The following RABEP1 variants were observed in gnomAD, a reference collection of about 807,000 sequenced individuals.
The protein encoded by RABEP1 is rabaptin, RAB GTPase binding effector protein 1.
A neutral mutation model predicts 123.4 loss-of-function variants in RABEP1; 51 were observed. The observed-to-expected ratio is 0.41, with a 90% CI of 0.33 to 0.52. The LOEUF is 0.52. Ranked by LOEUF, RABEP1 falls within the 20% of genes least tolerant of loss-of-function variation. The probability of loss-of-function intolerance (pLI) is 0.16; values close to 1 mark genes in which losing one functional copy is unlikely to be tolerated. For missense variants in RABEP1, 888 were observed against 996.3 expected, an observed-to-expected ratio of 0.89 and a Z score of 1.46; for synonymous variants, 347 against 355.2, an observed-to-expected ratio of 0.98 and a Z score of 0.26.
chr17:5,371,703 G>C (rs946452445), intron 12 of RABEP1: 1 of 152,262 alleles, frequency 6.6e-6, no homozygotes, highest in Non-Finnish European at 1.5e-5. Context: ...CCTCTGGGAA[G>C]TGTTCTTTAA....
chr17:5,382,969 AATT>A (rs1284586654), intron 17 of RABEP1, among the ~76,000 whole-genome samples, 150 bp from the exon 18 acceptor site: 2 of 152,000 alleles, frequency 1.3e-5, no homozygotes, highest in East Asian at 3.9e-4. Context: ...AGCTTTGGGG[AATT>A]ATTTTTAAAA....
In RABEP1 at chr17:5,299,719, C is replaced by CTTTTTTTTTTTTTTTTTTTTTTTT. The variant is rs146585957; in HGVS notation, c.35-8970_35-8969insTTTTTTTTTTTTTTTTTTTTTTTT. Among the ~76,000 whole-genome samples the CTTTTTTTTTTTTTTTTTTTTTTTT allele has an allele frequency of 6.8e-4, 67 of 98,832 alleles. 8 individuals carry two copies. Among genetic ancestry groups the CTTTTTTTTTTTTTTTTTTTTTTTT allele is most frequent in the African/African-American group, 1.1e-3 (30 of 26,530 alleles). 64.8% of individuals were successfully genotyped at this position (98,832 alleles called of 152,430 possible). A position where few individuals can be genotyped will look rare whatever the true frequency, so the allele number is the denominator to read the frequency against. ...TCATTTCTTTTTCTTTTTTTCTTTT[C>CTTTTTTTTTTTTTTTTTTTTTTTT]TTTTTCTTTTTCTTTTTTTTTTTTT... On this transcript the variant is annotated intron_variant, in intron 1 of 17. Transcript: ENST00000537505.
chr17:5,358,696 A>G (rs1909239463), intron 8 of RABEP1, among the ~76,000 whole-genome samples: 1 of 151,882 alleles, frequency 6.6e-6, no homozygotes, highest in Non-Finnish European at 1.5e-5. Context: ...GAACTGCTGA[A>G]TTCAAGGATG....
In RABEP1 at chr17:5,378,173, C is replaced by T. The variant is rs1413260630; in HGVS notation, c.2216-4C>T. On this transcript the variant is annotated splice_polypyrimidine_tract_variant and splice_region_variant and intron_variant, in intron 14 of 17. Transcript: ENST00000537505. ...GCTAATACATCTCATTTTTTTCCTT[C>T]TAGCTTCTATTTCTAGCCTAAAAGC... 37 of 1,567,484 alleles carry T rather than the reference C, an allele frequency of 2.4e-5. No individual in the cohort carries two copies. Among genetic ancestry groups the T allele is most frequent in the Middle Eastern group, 1.7e-4 (1 of 5,914 alleles).
At chr17:5,303,172 G>C (rs535761037) in intron 1 of RABEP1, among the ~76,000 whole-genome samples, 3 of 151,994 alleles carry the variant, frequency 2.0e-5, no homozygotes, top group Non-Finnish European at 4.4e-5. Flanking sequence ...TTTCTGGCTT[G>C]GTATTACTTC....
At chr17:5,362,268 A>T (rs746674279) in intron 9 of RABEP1, among the ~76,000 whole-genome samples, 10 of 152,218 alleles carry the variant, frequency 6.6e-5, no homozygotes, top group Non-Finnish European at 1.0e-4. Context: ...GATCTCTTTA[A>T]GCTTTATCAT....
rs1392847865 is a variant in RABEP1, at chr17:5,361,165, C to T, written c.1096-43C>T. 2.0e-6 allele frequency: 3 copies of T among 1,532,318 alleles called. No individual in the cohort carries two copies. The African/African-American group carries it at 4.2e-5, about 21-fold the overall frequency. 94.9% of individuals were successfully genotyped at this position (1,532,318 alleles called of 1,614,324 possible). On this transcript the variant is annotated intron_variant, in intron 8 of 17. Coordinates refer to ENST00000537505, the MANE Select transcript of RABEP1 (RefSeq NM_004703.6). ...ATTATAGTTTTTGTCTTTAAAAACG[C>T]AGAGAATTGTCTAACTTGGCCATAT...
At chr17:5,312,078 G>A (rs1409326151) in intron 2 of RABEP1, among the ~76,000 whole-genome samples, 2 of 152,128 alleles carry the variant, frequency 1.3e-5, no homozygotes, top group Non-Finnish European at 2.9e-5. Flanking sequence ...GAGGACTTGC[G>A]TCCACCTGAC....
At chr17:5,311,426 G>A (rs929798376) in intron 2 of RABEP1, among the ~76,000 whole-genome samples, 1 of 151,972 alleles carries the variant, frequency 6.6e-6, no homozygotes, top group Non-Finnish European at 1.5e-5. Context: ...GCCAGGCACG[G>A]TGGCTGACAC....
intron 1 of RABEP1, among the ~76,000 whole-genome samples, chr17:5,307,452 T>C (rs1156252904): frequency 2.6e-5 from 4 of 152,246 alleles, no homozygotes; most frequent in Non-Finnish European, 5.9e-5. Flanking sequence ...GGAGAGGGGA[T>C]AGCCTTCAAA....
intron 1 of RABEP1, among the ~76,000 whole-genome samples, chr17:5,290,036 G>C (rs2075017809): frequency 6.6e-6 from 1 of 152,160 alleles, no homozygotes; most frequent in Non-Finnish European, 1.5e-5. Context: ...ATCCACTGAA[G>C]TTTGATGTTC....
intron 2 of RABEP1, among the ~76,000 whole-genome samples, chr17:5,325,985 C>T (rs1036518014): frequency 6.6e-6 from 1 of 152,134 alleles, no homozygotes; most frequent in African/African-American, 2.4e-5. Context: ...ATCCAAAATA[C>T]TGCCGATACC....
chr17:5,289,237 G>C (rs1334840096), intron 1 of RABEP1, among the ~76,000 whole-genome samples: 1 of 146,598 alleles, frequency 6.8e-6, no homozygotes, highest in Non-Finnish European at 1.5e-5. Context: ...TGGCTTGTCT[G>C]TTTATATCTG....
intron 5 of RABEP1, among the ~76,000 whole-genome samples, chr17:5,342,287 G>T (rs1040655342): frequency 6.6e-6 from 1 of 152,132 alleles, no homozygotes; most frequent in Non-Finnish European, 1.5e-5. Flanking sequence ...GATGGGCAGG[G>T]TCCTTATAGA....
chr17:5,382,402 G>A (rs745521775), intron 17 of RABEP1, among the ~76,000 whole-genome samples: 10 of 151,714 alleles, frequency 6.6e-5, no homozygotes, highest in Non-Finnish European at 1.2e-4. Context: ...GATTCTTCAG[G>A]ATTGGGAGTC....
intron 13 of RABEP1, 126 bp from the exon 14 acceptor site, chr17:5,376,990 A>G: frequency 1.0e-6 from 1 of 971,636 alleles, no homozygotes; most frequent in Non-Finnish European, 1.5e-6. Flanking sequence ...TAAGTGGCTT[A>G]ATGGTCAAAG....
At chr17:5,351,432 C>G (rs1183313020) in intron 7 of RABEP1, among the ~76,000 whole-genome samples, 1 of 152,100 alleles carries the variant, frequency 6.6e-6, no homozygotes, top group Non-Finnish European at 1.5e-5. Flanking sequence ...CCTTCTAAAC[C>G]AGTTCTGTGT....
At chr17:5,330,141 CAG>C (rs1193755350) in intron 2 of RABEP1, among the ~76,000 whole-genome samples, 3 of 152,250 alleles carry the variant, frequency 2.0e-5, no homozygotes, top group South Asian at 2.1e-4. Context: ...GTTTAACACT[CAG>C]AATACAGAGT....
intron 5 of RABEP1, among the ~76,000 whole-genome samples, chr17:5,338,416 C>T (rs1907288637): frequency 6.6e-6 from 1 of 152,082 alleles, no homozygotes; most frequent in Non-Finnish European, 1.5e-5. Context: ...ACAAATTAAC[C>T]AGGCATGGTG....
Sources: allele counts gnomAD v4.1 joint callset (sites outside exome capture counted in the v4.1 genomes callset), GRCh38; gene constraint gnomAD v4.1.1; transcripts MANE v1.5; gene names NCBI Gene and HGNC (gene_info 2026-07-23, HGNC 2026-07-21).